The following ZNF525 variants were observed in gnomAD, a reference collection of about 807,000 sequenced individuals.
ZNF525 encodes the protein zinc finger protein 525.
In ZNF525, 33 loss-of-function variants were observed where a neutral mutation model predicts 37.6. The observed-to-expected ratio is 0.88, with a 90% CI of 0.67 to 1.17. The LOEUF (loss-of-function observed/expected upper bound fraction) is 1.17, where lower values mean the gene tolerates loss of function less well. Among genes scored for constraint, ZNF525 ranks in the 50% most tolerant of loss-of-function variants. The pLI is 0.00. For missense variants in ZNF525, 449 were observed against 543.1 expected (o/e 0.83, Z 1.72); for synonymous variants, 170 against 182.3 (o/e 0.93, Z 0.54).
Position 53,386,325 on chromosome 19 carries a change from T to G in ZNF525, c.*4306T>G. ...CTCCCCTGTGGATTCAGATCAAAACTGGTAATAAAATCAGGTACGACTCCA... is the reference window on the plus strand; with the variant it reads ...CTCCCCTGTGGATTCAGATCAAAACGGGTAATAAAATCAGGTACGACTCCA... On this transcript the variant is annotated 3_prime_UTR_variant, in exon 4 of 4. Transcript: ENST00000474037. The G allele has an allele frequency of 1.3e-6, 1 of 746,138 alleles. No homozygotes were observed. The highest frequency in any genetic ancestry group is 2.4e-6 in the Non-Finnish European group (1 of 419,296). The allele number at this position is 746,138 out of a possible 1,614,324, so 46.2% of individuals were successfully genotyped here. A position where few individuals can be genotyped will look rare whatever the true frequency, so the allele number is the denominator to read the frequency against.
chr19:53,376,242 C>T (rs770171888), intron 3 of ZNF525: 1 of 705,886 alleles, frequency 1.4e-6, no homozygotes. Context: ...CCGTACCTAA[C>T]TATTGGCTTT....
rs748688106 is a variant in ZNF525 at position 53,381,615 on chromosome 19, C to G, written c.1036C>G (p.Arg346Gly). The change falls in exon 4 of 4, where the codon CGT (arginine) becomes GGT (glycine). Residue 346 changes from arginine (R) to glycine (G), a missense_variant. Coordinates refer to ENST00000474037, the MANE Select transcript of ZNF525 (RefSeq NM_001348156.2). ...FSQKSYLACH[R>G]SIHTGKKPYE... ...TCAGAAGTCATACCTTGCATGCCAT[C>G]GTAGCATTCATACTGGAAAGAAACC... 1 of 1,099,774 alleles carries G rather than the reference C, an allele frequency of 9.1e-7. No homozygotes were observed. The highest frequency in any genetic ancestry group is 1.5e-5 in the African/African-American group (1 of 65,268). 68.1% of individuals were successfully genotyped at this position (1,099,774 alleles called of 1,614,324 possible).
At chr19:53,366,691 T>G (rs890928034) in intron 1 of ZNF525, among the ~76,000 whole-genome samples, 9 of 150,322 alleles carry the variant, frequency 6.0e-5, no homozygotes, top group African/African-American at 1.7e-4. Context: ...GAGGAGGGAT[T>G]TGGAGCCAGG....
Position 53,384,842 on chromosome 19 carries a change from G to A in ZNF525, c.*2823G>A. 1.6e-6 allele frequency: 1 copy of A among 640,594 alleles called. No homozygotes were observed. Among genetic ancestry groups the A allele is most frequent in the Non-Finnish European group, 2.8e-6 (1 of 356,986 alleles). The allele number at this position is 640,594 out of a possible 1,614,324, so 39.7% of individuals were successfully genotyped here. ...TATTGATTGAATAGAAGGGGTGAGA[G>A]CATTCTTGCATCATGTGAGATCGTA... On this transcript the variant is annotated 3_prime_UTR_variant, in exon 4 of 4. Coordinates refer to ENST00000474037, the MANE Select transcript of ZNF525 (RefSeq NM_001348156.2).
intron 1 of ZNF525, among the ~76,000 whole-genome samples, chr19:53,366,004 T>A (rs1211577825): frequency 6.6e-6 from 1 of 152,074 alleles, no homozygotes; most frequent in Non-Finnish European, 1.5e-5. Context: ...CGCGTAGTTT[T>A]CCTGCTCTAA....
Position 53,365,725 on chromosome 19 carries a change from G to A in ZNF525, c.-102G>A. The A allele has an allele frequency of 5.5e-6, 1 of 183,162 alleles. No homozygotes were observed. The highest frequency in any genetic ancestry group is 1.2e-5 in the Non-Finnish European group (1 of 84,904). The allele number at this position is 183,162 out of a possible 1,614,324, so 11.3% of individuals were successfully genotyped here. On this transcript the variant is annotated 5_prime_UTR_variant, in exon 1 of 4. Transcript: ENST00000474037. ...CGCTCAGACGCGCGCAAACCCGGAA[G>A]CAGATCGCGTGGAGTGAAGGTCCCT... is the stretch of plus-strand genomic sequence containing the variant.
Position 53,384,988 on chromosome 19 carries a change from A to G in ZNF525, c.*2969A>G. The G allele has an allele frequency of 1.4e-6, 1 of 701,988 alleles. No homozygotes were observed. Among genetic ancestry groups the G allele is most frequent in the Non-Finnish European group, 2.6e-6 (1 of 384,708 alleles). The allele number at this position is 701,988 out of a possible 1,614,324, so 43.5% of individuals were successfully genotyped here. ...TGTTTAGGATTTCTATGATGACTGGATTTTGAATTTTGTGGAACGCTTTTT... is the reference window on the plus strand; with the variant it reads ...TGTTTAGGATTTCTATGATGACTGGGTTTTGAATTTTGTGGAACGCTTTTT... On this transcript the variant is annotated 3_prime_UTR_variant, in exon 4 of 4. Coordinates refer to ENST00000474037, the MANE Select transcript of ZNF525 (RefSeq NM_001348156.2).
intron 3 of ZNF525, chr19:53,379,254 T>A (rs989498239): frequency 6.6e-6 from 1 of 152,212 alleles, no homozygotes; most frequent in African/African-American, 2.4e-5. Context: ...TAGCTGAGAT[T>A]ACAGGCACCC....
At chr19:53,366,796 A>C (rs746764699) in intron 1 of ZNF525, among the ~76,000 whole-genome samples, 3,062 of 118,722 alleles carry the variant, frequency 0.026, 2 homozygotes, top group Non-Finnish European at 0.036. Context: ...GAGAGTGGGG[A>C]CAGGGGGTAT....
intron 3 of ZNF525, chr19:53,376,444 G>T: frequency 3.4e-6 from 2 of 581,958 alleles, no homozygotes; most frequent in African/African-American, 3.8e-5. Context: ...TGTATTTCTT[G>T]ATTTTTTTTG....
intron 1 of ZNF525, among the ~76,000 whole-genome samples, chr19:53,369,548 A>G (rs2085470533): frequency 6.8e-6 from 1 of 147,400 alleles, no homozygotes; most frequent in African/African-American, 2.6e-5. Context: ...CTTGATGGAA[A>G]CAATTTGCTT....
Position 53,382,868 on chromosome 19 carries a change from CAT to C in ZNF525, c.*851_*852del, listed in dbSNP as rs1375547673. On this transcript the variant is annotated 3_prime_UTR_variant, in exon 4 of 4. Transcript: ENST00000474037. ...CAGATTCAAATCAAACCTTGAAAGT[CAT>C]AGGAGAATTCATACTAGAGAGAAAC... 2.6e-5 allele frequency: 35 copies of C among 1,365,614 alleles called. No homozygotes were observed. Among genetic ancestry groups the C allele is most frequent in the Admixed American group, 5.2e-5 (3 of 57,602 alleles). 84.6% of individuals were successfully genotyped at this position (1,365,614 alleles called of 1,614,324 possible).
At chr19:53,379,468 T>C (rs1008997097) in intron 3 of ZNF525, 1 of 152,198 alleles carries the variant, frequency 6.6e-6, no homozygotes, top group African/African-American at 2.4e-5. Flanking sequence ...ACCTCATACA[T>C]CAGAAGGTAG....
chr19:53,385,326 A>G lies in ZNF525; in HGVS notation c.*3307A>G, dbSNP rs935036162. The G allele has an allele frequency of 1.3e-4, 27 of 213,798 alleles. No homozygotes were observed. The highest frequency in any genetic ancestry group is 6.0e-4 in the African/African-American group (26 of 43,690). The allele number at this position is 213,798 out of a possible 1,614,324, so 13.2% of individuals were successfully genotyped here. On this transcript the variant is annotated 3_prime_UTR_variant, in exon 4 of 4. Transcript: ENST00000474037. ...GATGCCCTCAAAAGGATAAGACATG[A>G]GTATAAAAAGAGACTCCATCAAAGC...
Position 53,386,449 on chromosome 19 carries a change from A to C in ZNF525, c.*4430A>C. On this transcript the variant is annotated 3_prime_UTR_variant, in exon 4 of 4. Coordinates refer to ENST00000474037, the MANE Select transcript of ZNF525 (RefSeq NM_001348156.2). ...GTCTGAGCATCACAATCACGTTACCATATCAAGCTGAAAATGTCACCACTA... is the reference window on the plus strand; with the variant it reads ...GTCTGAGCATCACAATCACGTTACCCTATCAAGCTGAAAATGTCACCACTA... 1.4e-6 allele frequency: 1 copy of C among 704,626 alleles called. No homozygotes were observed. Among genetic ancestry groups the C allele is most frequent in the South Asian group, 1.4e-5 (1 of 70,994 alleles). 43.6% of individuals were successfully genotyped at this position (704,626 alleles called of 1,614,324 possible).
intron 3 of ZNF525, chr19:53,376,441 C>A (rs1801131598): frequency 5.1e-6 from 3 of 589,114 alleles, no homozygotes; most frequent in Middle Eastern, 4.3e-4. Context: ...ATCTGTATTT[C>A]TTGATTTTTT....
chr19:53,376,293 T>A lies in ZNF525; in HGVS notation c.142+397T>A, dbSNP rs377011011. ...TGCATATGTGTGTCCTTAGGGCTAATATGAGTCTTCTGTGGACAACAAGTA... is the reference window on the plus strand; with the variant it reads ...TGCATATGTGTGTCCTTAGGGCTAAAATGAGTCTTCTGTGGACAACAAGTA... On this transcript the variant is annotated intron_variant, in intron 3 of 3. Transcript: ENST00000474037. 48 of 681,024 alleles carry A rather than the reference T, an allele frequency of 7.0e-5. No individual in the cohort carries two copies. The East Asian group carries it at 7.7e-4, about 11-fold the overall frequency. 42.2% of individuals were successfully genotyped at this position (681,024 alleles called of 1,614,324 possible).
chr19:53,384,823 T>C lies in ZNF525; in HGVS notation c.*2804T>C, dbSNP rs1357520276. On this transcript the variant is annotated 3_prime_UTR_variant, in exon 4 of 4. Transcript: ENST00000474037. ...CTCTGGCTAGGACAGGCAGTATTGATTGAATAGAAGGGGTGAGAGCATTCT... is the reference window on the plus strand; with the variant it reads ...CTCTGGCTAGGACAGGCAGTATTGACTGAATAGAAGGGGTGAGAGCATTCT... 8 of 594,656 alleles carry C rather than the reference T, an allele frequency of 1.3e-5. No individual in the cohort carries two copies. Among genetic ancestry groups the C allele is most frequent in the Non-Finnish European group, 2.1e-5 (7 of 336,386 alleles). The allele number at this position is 594,656 out of a possible 1,614,324, so 36.8% of individuals were successfully genotyped here. A position where few individuals can be genotyped will look rare whatever the true frequency, so the allele number is the denominator to read the frequency against.
chr19:53,381,960 C>T lies in ZNF525; in HGVS notation c.1381C>T (p.His461Tyr), dbSNP rs2085569109. ...ELSLTCHCRL[H>Y]SGEKPCKCGE... ...ATCCCTTACCTGCCATTGTAGACTTCATAGTGGAGAGAAACCTTGCAAGTG... is the reference window on the plus strand; with the variant it reads ...ATCCCTTACCTGCCATTGTAGACTTTATAGTGGAGAGAAACCTTGCAAGTG... Residue 461 changes from histidine to tyrosine, a missense_variant, in exon 4 of 4, where the codon CAT (histidine) becomes TAT (tyrosine). Physicochemically the swap from His to Tyr is moderately conservative, Grantham distance 83 (BLOSUM62 2). Coordinates refer to ENST00000474037, the MANE Select transcript of ZNF525 (RefSeq NM_001348156.2). 1 of 1,020,680 alleles carries T rather than the reference C, an allele frequency of 9.8e-7. No individual in the cohort carries two copies. Among genetic ancestry groups the T allele is most frequent in the Non-Finnish European group, 1.6e-6 (1 of 641,020 alleles). The allele number at this position is 1,020,680 out of a possible 1,614,324, so 63.2% of individuals were successfully genotyped here. A position where few individuals can be genotyped will look rare whatever the true frequency, so the allele number is the denominator to read the frequency against.
Sources: gnomAD v4.1 joint callset for allele counts (sites outside exome capture counted in the v4.1 genomes callset) on GRCh38, gnomAD v4.1.1 for gene constraint, MANE v1.5 for transcripts, NCBI Gene and HGNC (gene_info 2026-07-23, HGNC 2026-07-21) for gene names.